Variants in CSMD1 observed in about 807,000 individuals in gnomAD.
CSMD1 encodes the protein CUB and Sushi multiple domains 1, also known as CUB and sushi domain-containing protein 1.
In CSMD1, 213 loss-of-function variants were observed where a neutral mutation model predicts 417.5. That is an observed-to-expected ratio of 0.51 (90% CI 0.46 to 0.57). The LOEUF is 0.57. Among genes scored for constraint, CSMD1 ranks in the 20% least tolerant of loss-of-function variants. The pLI is 0.00. For synonymous variants in CSMD1, 2,862 were observed against 1,736.8 expected (o/e 1.65, Z -16.11); for missense variants, 6,923 against 4,529.7 (o/e 1.53, Z -15.17).
chr8:3,503,378 G>A (rs1425692487), intron 10 of CSMD1, among the ~76,000 whole-genome samples: 1 of 152,230 alleles, frequency 6.6e-6, no homozygotes, highest in Non-Finnish European at 1.5e-5. Context: ...ATTAGCCTAT[G>A]CTACAAAAAG....
intron 10 of CSMD1, among the ~76,000 whole-genome samples, chr8:3,497,175 TAGTTTA>T (rs1361817644): frequency 2.0e-5 from 3 of 152,268 alleles, no homozygotes; most frequent in Admixed American, 6.5e-5. Flanking sequence ...GTCTACACTA[TAGTTTA>T]AGTTTAACAC....
chr8:3,328,878 C>A (rs1406991868), intron 23 of CSMD1, among the ~76,000 whole-genome samples: 1 of 152,124 alleles, frequency 6.6e-6, no homozygotes, highest in Non-Finnish European at 1.5e-5. Context: ...CATGAAGAGT[C>A]TTAAGGTCAT....
chr8:3,220,148 G>A (rs1326488108), intron 28 of CSMD1, among the ~76,000 whole-genome samples: 3 of 76,484 alleles, frequency 3.9e-5, no homozygotes, highest in Non-Finnish European at 8.0e-5. Context: ...ACAAGACCCT[G>A]TCAAAAAAAA....
intron 4 of CSMD1, among the ~76,000 whole-genome samples, chr8:4,004,938 G>C (rs988749262): frequency 6.6e-6 from 1 of 152,082 alleles, no homozygotes; most frequent in African/African-American, 2.4e-5. Flanking sequence ...TAGAGACAGG[G>C]TTTCACCGTG....
chr8:3,017,121 G>A (rs188689125), intron 52 of CSMD1, among the ~76,000 whole-genome samples: 25 of 152,348 alleles, frequency 1.6e-4, no homozygotes, highest in Admixed American at 1.6e-3. Flanking sequence ...GCAATCAACT[G>A]TAAGTTGCTG....
chr8:4,624,864 G>A (rs778969994), intron 2 of CSMD1, among the ~76,000 whole-genome samples: 3 of 152,046 alleles, frequency 2.0e-5, no homozygotes, highest in East Asian at 1.9e-4. Context: ...AATTACATTC[G>A]TTTCCATTCG....
intron 3 of CSMD1, among the ~76,000 whole-genome samples, chr8:4,330,459 A>T (rs1287131982): frequency 6.6e-6 from 1 of 152,008 alleles, no homozygotes; most frequent in Non-Finnish European, 1.5e-5. Flanking sequence ...GCATGTTGGC[A>T]GGTGCCTGTA....
chr8:3,784,488 G>C (rs1485378771), intron 5 of CSMD1, among the ~76,000 whole-genome samples: 2 of 152,088 alleles, frequency 1.3e-5, no homozygotes, highest in African/African-American at 4.8e-5. Flanking sequence ...TCTAGGGATG[G>C]GCACTTATTT....
At position 4,028,403 on chromosome 8, in the gene CSMD1, C is replaced by T. The variant is rs999103098; in HGVS notation, c.610+3502G>A. Among the ~76,000 whole-genome samples, 5 of 151,918 alleles carry T rather than the reference C, an allele frequency of 3.3e-5. No individual in the cohort carries two copies. The South Asian group carries it at 1.0e-3, about 32-fold the overall frequency. Reference sequence around the variant, plus strand: ...ACAGTAAGTGGACAATACATACTAGCTTGTGGGGTGGTGGTAGTAGTAGCA... The same window carrying T: ...ACAGTAAGTGGACAATACATACTAGTTTGTGGGGTGGTGGTAGTAGTAGCA... On this transcript the variant is annotated intron_variant, in intron 4 of 69. Transcript: ENST00000635120.
Position 4,138,455 on chromosome 8 carries a change from G to A in CSMD1, c.416-106356C>T, listed in dbSNP as rs114494160. On this transcript the variant is annotated intron_variant, in intron 3 of 69. Coordinates refer to ENST00000635120, the MANE Select transcript of CSMD1 (RefSeq NM_033225.6). ...ACCTTCTATCAAAAAAACACAGAACGCAGGAGGAAATGCCTACAAGTGCCT... is the reference window on the plus strand; with the variant it reads ...ACCTTCTATCAAAAAAACACAGAACACAGGAGGAAATGCCTACAAGTGCCT... 8.0e-3 allele frequency among the ~76,000 whole-genome samples: 1,210 copies of A among 152,022 alleles called. 16 individuals carry two copies. The highest frequency in any genetic ancestry group is 0.027 in the Middle Eastern group (8 of 294).
intron 8 of CSMD1, among the ~76,000 whole-genome samples, chr8:3,598,585 T>C (rs117009529): frequency 0.012 from 1,863 of 152,292 alleles, 12 homozygotes; most frequent in Non-Finnish European, 0.02. Context: ...GACTTTTCTG[T>C]TGTTCCTTCT....
intron 1 of CSMD1, among the ~76,000 whole-genome samples, chr8:4,884,815 C>T (rs1803634620): frequency 6.6e-6 from 1 of 151,986 alleles, no homozygotes; most frequent in Non-Finnish European, 1.5e-5. Flanking sequence ...TAACTTTATT[C>T]CCCCTTTTCA....
chr8:3,188,835 C>A (rs1796244887), intron 35 of CSMD1, 52 bp downstream of exon 35: 1 of 1,406,450 alleles, frequency 7.1e-7, no homozygotes, highest in Non-Finnish European at 9.4e-7. Flanking sequence ...AAGAAAGAAG[C>A]CCATGGACCC....
chr8:4,596,627 T>G lies in CSMD1; in HGVS notation c.302+40715A>C, dbSNP rs374512724. On this transcript the variant is annotated intron_variant, in intron 2 of 69. Coordinates refer to ENST00000635120, the MANE Select transcript of CSMD1 (RefSeq NM_033225.6). ...TAAATCAATGCAACATTGTCTTTGT[T>G]AACTTTGTTGTTGTTATTTCCTTTT... Among the ~76,000 whole-genome samples, 10 of 152,370 alleles carry G rather than the reference T, an allele frequency of 6.6e-5. No homozygotes were observed. The East Asian group carries it at 1.5e-3, about 23-fold the overall frequency.
chr8:3,613,354 T>C lies in CSMD1; in HGVS notation c.1097+3356A>G, dbSNP rs533163538. ...ACATTTAGCAATGAAATATTAACAA[T>C]TATACACAAACTCTTCTATGGTATT... On this transcript the variant is annotated intron_variant, in intron 8 of 69. Transcript: ENST00000635120. 1.8e-4 allele frequency: 71 copies of C among 387,306 alleles called. 1 individual carries two copies. Among genetic ancestry groups the C allele is most frequent in the South Asian group, 1.3e-3 (70 of 52,034 alleles). 24.0% of individuals were successfully genotyped at this position (387,306 alleles called of 1,614,324 possible). A position where few individuals can be genotyped will look rare whatever the true frequency, so the allele number is the denominator to read the frequency against.
intron 5 of CSMD1, among the ~76,000 whole-genome samples, chr8:3,965,094 T>C (rs925593397): frequency 3.3e-5 from 5 of 152,208 alleles, no homozygotes; most frequent in Non-Finnish European, 7.3e-5. Context: ...GCTGACTTAG[T>C]AAATGGATAA....
chr8:4,021,221 C>G (rs775498753), intron 4 of CSMD1, among the ~76,000 whole-genome samples: 5 of 152,202 alleles, frequency 3.3e-5, no homozygotes, highest in Non-Finnish European at 7.3e-5. Flanking sequence ...GATTTTGAAA[C>G]TAGCATCTTT....
At chr8:3,806,920 A>G (rs559403394) in intron 5 of CSMD1, among the ~76,000 whole-genome samples, 1 of 152,300 alleles carries the variant, frequency 6.6e-6, no homozygotes, top group South Asian at 2.1e-4. Context: ...GTAGTGAGGT[A>G]CTTATTCTAA....
chr8:4,424,428 C>A (rs974688674), intron 2 of CSMD1, among the ~76,000 whole-genome samples: 8 of 151,630 alleles, frequency 5.3e-5, no homozygotes, highest in African/African-American at 1.7e-4. Flanking sequence ...CAAATAAGCC[C>A]ACGAATATTT....
Sources: allele counts gnomAD v4.1 joint callset (sites outside exome capture counted in the v4.1 genomes callset), GRCh38; gene constraint gnomAD v4.1.1; transcripts MANE v1.5; gene names NCBI Gene and HGNC (gene_info 2026-07-23, HGNC 2026-07-21).